The following STX8 variants were observed in gnomAD, a reference collection of about 807,000 sequenced individuals.
STX8 encodes the protein syntaxin 8, also known as syntaxin-8.
Under a neutral mutation model 37.5 loss-of-function variants are expected in STX8, and 23 were observed. The observed-to-expected ratio is 0.61, with a 90% CI of 0.44 to 0.87. The LOEUF (loss-of-function observed/expected upper bound fraction) is 0.87. STX8 is among the 40% of genes least tolerant of loss of function. STX8 has a pLI of 0.00. For missense variants in STX8, 313 were observed against 284.7 expected (o/e 1.10, Z -0.71); for synonymous variants, 115 against 99.1 (o/e 1.16, Z -0.95).
chr17:9,305,511 C>G (rs75441813), intron 7 of STX8: 1 of 152,086 alleles, frequency 6.6e-6, no homozygotes, highest in Non-Finnish European at 1.5e-5. Flanking sequence ...TATGATGTTG[C>G]GTAGGTTAAG....
intron 4 of STX8, among the ~76,000 whole-genome samples, chr17:9,513,199 G>A (rs1162294429): frequency 1.3e-5 from 2 of 151,302 alleles, no homozygotes; most frequent in African/African-American, 4.9e-5. Flanking sequence ...ATAATAATTG[G>A]ATGGAAAAAT....
chr17:9,312,457 T>G (rs1463582265), intron 7 of STX8, among the ~76,000 whole-genome samples: 2 of 152,134 alleles, frequency 1.3e-5, no homozygotes, highest in Non-Finnish European at 2.9e-5. Flanking sequence ...TGCCTCGGCC[T>G]CCCAAAGTGC....
At chr17:9,321,767 C>G (rs1010012497) in intron 7 of STX8, among the ~76,000 whole-genome samples, 1 of 152,042 alleles carries the variant, frequency 6.6e-6, no homozygotes, top group African/African-American at 2.4e-5. Context: ...ATCTGCCTGC[C>G]TTGGCCTCCC....
intron 7 of STX8, among the ~76,000 whole-genome samples, chr17:9,352,731 T>G (rs1174035404): frequency 6.6e-6 from 1 of 151,734 alleles, no homozygotes; most frequent in East Asian, 1.9e-4. Flanking sequence ...CTCGATCTCC[T>G]GACCTCGTGA....
chr17:9,535,425 T>C (rs796242846), intron 4 of STX8, among the ~76,000 whole-genome samples: 12 of 9,468 alleles, frequency 1.3e-3, no homozygotes, highest in African/African-American at 5.7e-3. Context: ...GCCATCCTAC[T>C]TTTTTTTTTT....
chr17:9,331,154 C>A (rs1380144186), intron 7 of STX8, among the ~76,000 whole-genome samples: 1 of 152,180 alleles, frequency 6.6e-6, no homozygotes, highest in Non-Finnish European at 1.5e-5. Flanking sequence ...AGCTCTTTAA[C>A]TGGTTTAGTC....
Position 9,448,819 on chromosome 17 carries a change from A to T in STX8, c.541+43010T>A, listed in dbSNP as rs1211381269. ...ACATGAGCGCCACAAATGAATGAGG[A>T]CTGACTCTAATTATTTTCAGAAATG... On this transcript the variant is annotated intron_variant, in intron 6 of 7. Coordinates refer to ENST00000306357, the MANE Select transcript of STX8 (RefSeq NM_004853.3). Among the ~76,000 whole-genome samples, 25 of 152,148 alleles carry T rather than the reference A, an allele frequency of 1.6e-4. 1 individual carries two copies. Among genetic ancestry groups the T allele is most frequent in the Non-Finnish European group, 1.5e-5 (1 of 68,022 alleles).
At chr17:9,355,449 G>A (rs1457957216) in intron 7 of STX8, among the ~76,000 whole-genome samples, 1 of 145,874 alleles carries the variant, frequency 6.9e-6, no homozygotes, top group Admixed American at 7.0e-5. Flanking sequence ...ATCTCCTCTC[G>A]CCTGTCTCCT....
chr17:9,396,405 C>T (rs112274517), intron 6 of STX8, among the ~76,000 whole-genome samples: 77 of 152,002 alleles, frequency 5.1e-4, no homozygotes, highest in African/African-American at 1.8e-3. Flanking sequence ...CTATATGGGC[C>T]GGGCGCAGTG....
chr17:9,467,003 G>C (rs1453462552), intron 6 of STX8: 1 of 152,184 alleles, frequency 6.6e-6, no homozygotes, highest in African/African-American at 2.4e-5. Flanking sequence ...TGATTCTCCT[G>C]CCTTAGCCTC....
intron 4 of STX8, among the ~76,000 whole-genome samples, chr17:9,506,322 C>G (rs192430607): frequency 6.8e-6 from 1 of 147,540 alleles, no homozygotes; most frequent in African/African-American, 2.5e-5. Flanking sequence ...TTAGAGCTCT[C>G]AACAGATTCA....
intron 6 of STX8, among the ~76,000 whole-genome samples, chr17:9,415,767 TCAA>T (rs995043132): frequency 1.2e-4 from 18 of 152,104 alleles, no homozygotes; most frequent in African/African-American, 1.9e-4. Context: ...AGACTCCGTC[TCAA>T]CAACAACAAC....
At chr17:9,431,915 T>C (rs987897520) in intron 6 of STX8, among the ~76,000 whole-genome samples, 5 of 152,162 alleles carry the variant, frequency 3.3e-5, no homozygotes, top group African/African-American at 9.7e-5. Context: ...ATAAAACATT[T>C]TGTAATGCTG....
At chr17:9,419,736 A>G (rs1285071019) in intron 6 of STX8, among the ~76,000 whole-genome samples, 1 of 152,184 alleles carries the variant, frequency 6.6e-6, no homozygotes, top group East Asian at 1.9e-4. Context: ...TCCTGAGCCC[A>G]TAGAGCTCTA....
chr17:9,413,779 A>G (rs1913055451), intron 6 of STX8, among the ~76,000 whole-genome samples: 1 of 152,200 alleles, frequency 6.6e-6, no homozygotes, highest in Non-Finnish European at 1.5e-5. Flanking sequence ...GCTGACTGCC[A>G]ACACAGATGG....
chr17:9,419,165 G>A (rs188145611), intron 6 of STX8, among the ~76,000 whole-genome samples: 20 of 152,056 alleles, frequency 1.3e-4, no homozygotes, highest in Admixed American at 1.3e-3. Context: ...GGCCCCGAGT[G>A]AGCCTCCTGC....
At chr17:9,279,571 C>T (rs961793049) in intron 7 of STX8, among the ~76,000 whole-genome samples, 1 of 152,142 alleles carries the variant, frequency 6.6e-6, no homozygotes, top group African/African-American at 2.4e-5. Flanking sequence ...TAGAAAAAGA[C>T]CTAAGATACC....
chr17:9,269,090 G>T (rs1907350889), intron 7 of STX8, among the ~76,000 whole-genome samples: 1 of 152,008 alleles, frequency 6.6e-6, no homozygotes, highest in South Asian at 2.1e-4. Context: ...GGGAGGCTGA[G>T]GCAGGAGAAT....
At chr17:9,406,040 T>G (rs891387871) in intron 6 of STX8, among the ~76,000 whole-genome samples, 7 of 152,220 alleles carry the variant, frequency 4.6e-5, no homozygotes, top group African/African-American at 1.4e-4. Flanking sequence ...AAGGTATAAG[T>G]GCAAGGATTT....
Sources: gnomAD v4.1 joint callset for allele counts (sites outside exome capture counted in the v4.1 genomes callset) on GRCh38, gnomAD v4.1.1 for gene constraint, MANE v1.5 for transcripts, NCBI Gene and HGNC (gene_info 2026-07-23, HGNC 2026-07-21) for gene names.